The following ANKRD26 variants were observed in gnomAD, a reference collection of about 807,000 sequenced individuals.
ANKRD26 encodes ankyrin repeat domain-containing protein 26.
Under a neutral mutation model 208.7 loss-of-function variants are expected in ANKRD26, and 141 were observed. The ratio of observed to expected loss-of-function variants is 0.68; its 90% confidence interval spans 0.59 to 0.78. The LOEUF (loss-of-function observed/expected upper bound fraction) is 0.78, where lower values mean the gene tolerates loss of function less well. Among genes scored for constraint, ANKRD26 ranks in the 30% least tolerant of loss-of-function variants. The pLI is 0.00. For missense variants in ANKRD26, 1,889 were observed against 1,938.7 expected (o/e 0.97, Z 0.48); for synonymous variants, 636 against 660.4 (o/e 0.96, Z 0.57).
chr10:27,068,783 G>A (rs955639553), intron 9 of ANKRD26, among the ~76,000 whole-genome samples: 1 of 151,650 alleles, frequency 6.6e-6, no homozygotes, highest in African/African-American at 2.4e-5. Context: ...TTGGGGGAGT[G>A]GTCAGGACAA....
At chr10:27,038,931 TTC>T (rs956141640) in intron 21 of ANKRD26, among the ~76,000 whole-genome samples, 3 of 152,176 alleles carry the variant, frequency 2.0e-5, no homozygotes, top group Non-Finnish European at 4.4e-5. Flanking sequence ...TGTTTCTTTT[TTC>T]TGGTAACACT....
At chr10:27,026,599 G>A (rs1177256499) in intron 27 of ANKRD26, among the ~76,000 whole-genome samples, 1 of 152,090 alleles carries the variant, frequency 6.6e-6, no homozygotes, top group Non-Finnish European at 1.5e-5. Flanking sequence ...CAACCTCATT[G>A]CTCCACTTTA....
At chr10:27,048,057 C>T (rs972791601) in intron 17 of ANKRD26, among the ~76,000 whole-genome samples, 1 of 151,962 alleles carries the variant, frequency 6.6e-6, no homozygotes, top group African/African-American at 2.4e-5. Flanking sequence ...TACTTTTTTA[C>T]GGTCTAAAAA....
At chr10:26,960,211 T>C in the ANKRD26 span, among the ~76,000 whole-genome samples, 6 of 152,234 alleles carry the variant, frequency 3.9e-5, no homozygotes, top group East Asian at 9.6e-4. Flanking sequence ...TAGCCCGTGA[T>C]TGCCTGAAGC....
intron 25 of ANKRD26, chr10:27,030,351 A>G (rs2053824337): frequency 1.0e-6 from 1 of 975,198 alleles, no homozygotes; most frequent in Non-Finnish European, 1.2e-6. Flanking sequence ...CAATGACCAC[A>G]ATGCAAACAG....
chr10:26,984,896 G>C (rs1381371468), intron 3 of ANKRD26, among the ~76,000 whole-genome samples: 1 of 152,126 alleles, frequency 6.6e-6, no homozygotes, highest in South Asian at 2.1e-4. Context: ...AAGACTGAGG[G>C]TGGTAGGCAC....
At chr10:27,016,024 C>T (rs994208099) in intron 30 of ANKRD26, among the ~76,000 whole-genome samples, 1 of 152,142 alleles carries the variant, frequency 6.6e-6, no homozygotes, top group Non-Finnish European at 1.5e-5. Context: ...CAGTCTGTCG[C>T]CCATGCTTCA....
intron 1 of ANKRD26, among the ~76,000 whole-genome samples, chr10:27,097,266 G>C (rs1407073928): frequency 2.0e-5 from 3 of 151,592 alleles, no homozygotes; most frequent in Non-Finnish European, 4.4e-5. Flanking sequence ...ACAAGGTCAG[G>C]AGATCGAGAC....
At chr10:27,010,170 G>A (rs934716409) in intron 32 of ANKRD26, among the ~76,000 whole-genome samples, 6 of 152,068 alleles carry the variant, frequency 3.9e-5, no homozygotes, top group African/African-American at 1.2e-4. Flanking sequence ...TTTAATGTAT[G>A]AAAGTCACTT....
intron 18 of ANKRD26, among the ~76,000 whole-genome samples, chr10:27,044,692 A>T (rs115863239): frequency 7.5e-4 from 114 of 152,286 alleles, no homozygotes; most frequent in African/African-American, 2.6e-3. Flanking sequence ...TATCCTAAGC[A>T]CTGTACATAT....
Position 27,033,089 on chromosome 10 carries a change from A to G in ANKRD26, c.3807+136T>C, listed in dbSNP as rs12569476. 0.081 allele frequency: 44,079 copies of G among 541,138 alleles called. 3,639 individuals carry two copies. The highest frequency in any genetic ancestry group is 0.31 in the East Asian group (6,018 of 19,118). 33.5% of individuals were successfully genotyped at this position (541,138 alleles called of 1,614,324 possible). On this transcript the variant is annotated intron_variant, in intron 25 of 33. Transcript: ENST00000376087. ...TAGAACGAGACTCCATCTCAAAAAAAAAAAAAAGATAATAAAATTTAAATT... is the reference window on the plus strand; with the variant it reads ...TAGAACGAGACTCCATCTCAAAAAAGAAAAAAAGATAATAAAATTTAAATT...
chr10:27,054,738 C>T (rs11015484), intron 15 of ANKRD26, among the ~76,000 whole-genome samples: 36 of 152,112 alleles, frequency 2.4e-4, no homozygotes, highest in African/African-American at 4.3e-4. Context: ...CCTCAAATAG[C>T]GTTATATATT....
At position 27,092,501 on chromosome 10, in the gene ANKRD26, T is replaced by C; in HGVS notation, c.543A>G (p.Thr181=). 2 of 1,613,140 alleles carry C rather than the reference T, an allele frequency of 1.2e-6. No individual in the cohort carries two copies. Among genetic ancestry groups the C allele is most frequent in the South Asian group, 1.1e-5 (1 of 91,060 alleles). ...NIEAKNKDDL[T]PLLLAVSGKK... is the part of the protein sequence containing the mutation. Reference sequence around the variant, plus strand: ...TTCCACTTACTGCAAGTAAAAGTGGTGTGAGGTCATCCTGTAAGACAGCAA... The same window carrying C: ...TTCCACTTACTGCAAGTAAAAGTGGCGTGAGGTCATCCTGTAAGACAGCAA... The change falls in exon 4 of 34, where the codon ACA becomes ACG. Residue 181 remains threonine (T), a synonymous_variant. Transcript: ENST00000376087.
At chr10:27,022,383 A>T (rs2053518169) in intron 29 of ANKRD26, among the ~76,000 whole-genome samples, 175 bp downstream of exon 29, 1 of 152,190 alleles carries the variant, frequency 6.6e-6, no homozygotes, top group Non-Finnish European at 1.5e-5. Context: ...GTTTAACTAC[A>T]TAACAAACCT....
At chr10:27,056,904 T>G (rs1055837185) in intron 15 of ANKRD26, among the ~76,000 whole-genome samples, 2 of 152,252 alleles carry the variant, frequency 1.3e-5, no homozygotes, top group Non-Finnish European at 2.9e-5. Flanking sequence ...TAGCTGTGAT[T>G]CACAAAGGTC....
chr10:27,040,924 G>C (rs1043543509), intron 20 of ANKRD26, among the ~76,000 whole-genome samples: 6 of 151,942 alleles, frequency 3.9e-5, no homozygotes, highest in Non-Finnish European at 7.4e-5. Context: ...CAGCTACTTG[G>C]GGGGGCCGAG....
chr10:26,977,670 T>C (rs962135510), intron 5 of ANKRD26, among the ~76,000 whole-genome samples: 4 of 152,240 alleles, frequency 2.6e-5, no homozygotes, highest in Admixed American at 2.6e-4. Flanking sequence ...GTAGGCTAAA[T>C]TGAGACAGAG....
chr10:27,005,025 G>GA lies in ANKRD26; in HGVS notation c.*564dup, dbSNP rs1182923730. The stretch of plus-strand genomic sequence containing the variant: ...GAGAAAGTCTTTGTACTAAAACTTC[G>GA]AAATTTTCTCTAAACTGAAGGCTAT... On this transcript the variant is annotated 3_prime_UTR_variant, in exon 34 of 34. Coordinates refer to ENST00000376087, the MANE Select transcript of ANKRD26 (RefSeq NM_014915.3). The GA allele has an allele frequency of 1.0e-6, 1 of 983,990 alleles. No homozygotes were observed. The highest frequency in any genetic ancestry group is 1.1e-4 in the East Asian group (1 of 8,832). 61.0% of individuals were successfully genotyped at this position (983,990 alleles called of 1,614,324 possible). A position where few individuals can be genotyped will look rare whatever the true frequency, so the allele number is the denominator to read the frequency against.
At position 27,029,341 on chromosome 10, in the gene ANKRD26, C is replaced by G; in HGVS notation, c.3823G>C (p.Asp1275His). ...CATCTGACAGCTTCTGTATGTCGAT[C>G]CTGTGCTTCTTGCAACTAAAACAAA... ...QIRNQLQEAQ[D>H]RHTEAVRCAE... The change falls in exon 26 of 34, where the codon GAT becomes CAT. Residue 1275 changes from aspartate to histidine, a missense_variant. Physicochemically the swap from Asp to His is moderately conservative, Grantham distance 81. Coordinates refer to ENST00000376087, the MANE Select transcript of ANKRD26 (RefSeq NM_014915.3). The G allele has an allele frequency of 3.7e-6, 6 of 1,612,516 alleles. No homozygotes were observed. Among genetic ancestry groups the G allele is most frequent in the Non-Finnish European group, 5.1e-6 (6 of 1,179,126 alleles).
Sources: gnomAD v4.1 joint callset for allele counts (sites outside exome capture counted in the v4.1 genomes callset) on GRCh38, gnomAD v4.1.1 for gene constraint, MANE v1.5 for transcripts, NCBI Gene and HGNC (gene_info 2026-07-23, HGNC 2026-07-21) for gene names.